The following NEB variants were observed in gnomAD, a reference collection of about 807,000 sequenced individuals.
NEB encodes the protein nebulin, also known as nemaline myopathy type 2.
Under a neutral mutation model 952.2 loss-of-function variants are expected in NEB, and 512 were observed. The ratio of observed to expected loss-of-function variants is 0.54; its 90% CI spans 0.50 to 0.58. The LOEUF is 0.58. Ranked by LOEUF, NEB falls within the 20% of genes least tolerant of loss-of-function variation. The probability of loss-of-function intolerance (pLI) is 0.00; values close to 1 mark genes in which losing one functional copy is unlikely to be tolerated. For synonymous variants in NEB, 2,900 were observed against 3,149.8 expected, an observed-to-expected ratio of 0.92 and a Z score of 2.66; for missense variants, 8,428 against 9,231.1, an observed-to-expected ratio of 0.91 and a Z score of 3.56.
At chr2:151,650,023 T>C (rs200731507) in intron 54 of NEB, among the ~76,000 whole-genome samples, 153 bp downstream of exon 54, 1 of 152,210 alleles carries the variant, frequency 6.6e-6, no homozygotes, top group African/African-American at 2.4e-5. Context: ...TGTAGGATAG[T>C]TGCTAATTCA....
intron 44 of NEB, among the ~76,000 whole-genome samples, 172 bp downstream of exon 44, chr2:151,664,329 G>T (rs147781115): frequency 1.3e-5 from 2 of 152,324 alleles, no homozygotes; most frequent in Admixed American, 6.5e-5. Context: ...ATTAAATAAT[G>T]AACAGATGAT....
At chr2:151,666,024 T>C in intron 41 of NEB, 66 bp downstream of exon 41, 1 of 1,476,320 alleles carries the variant, frequency 6.8e-7, no homozygotes, top group Non-Finnish European at 9.3e-7. Context: ...TGGGATGGAG[T>C]AAGTGGCTCC....
Position 151,717,490 on chromosome 2 carries a change from G to T in NEB, c.748C>A (p.Gln250Lys). ...VAYKKGLAEQ[Q>K]AQFTPLADPP... ...TCAGCCAGAGGCGTGAATTGAGCTT[G>T]CTGTTCAGCGAGACCTTTTTTGTAG... The change falls in exon 10 of 182, where the codon CAA becomes AAA. Residue 250 changes from glutamine to lysine, a missense_variant. Coordinates refer to ENST00000397345, the MANE Select transcript of NEB (RefSeq NM_001164508.2). The T allele has an allele frequency of 1.2e-6, 2 of 1,613,894 alleles. No homozygotes were observed. The highest frequency in any genetic ancestry group is 1.7e-6 in the Non-Finnish European group (2 of 1,179,800).
Position 151,671,097 on chromosome 2 carries a change from T to C in NEB, c.4432A>G (p.Thr1478Ala), listed in dbSNP as rs2099279650. ...TCAGGCACACTTGTGAACTTGACGG[T>C]ATCTGGGTGCTGTCGATACTTCCTC... is the stretch of plus-strand genomic sequence containing the variant. Reference protein sequence around the residue: ...NERKYRQHPDTVKFTSVPDSM... With the variant: ...NERKYRQHPDAVKFTSVPDSM... The change falls in exon 38 of 182, where the codon ACC becomes GCC. Residue 1478 changes from threonine (T) to alanine (A), a missense_variant. This residue lies in a region of NEB where 2,851 missense variants were observed against 2,791.5 expected (regional missense o/e 1.02). Transcript: ENST00000397345. The C allele has an allele frequency of 1.2e-6, 2 of 1,614,012 alleles. No individual in the cohort carries two copies. The highest frequency in any genetic ancestry group is 1.3e-5 in the African/African-American group (1 of 75,056).
chr2:151,678,770 C>CCTCT (rs2099392705), intron 32 of NEB, among the ~76,000 whole-genome samples: 1 of 151,784 alleles, frequency 6.6e-6, no homozygotes, highest in Non-Finnish European at 1.5e-5. Context: ...CACTGAGAAG[C>CCTCT]AGAGACATGA....
In NEB at chr2:151,610,064, G is replaced by C; in HGVS notation, c.12075C>G (p.Ser4025Arg). The C allele has an allele frequency of 6.2e-7, 1 of 1,613,744 alleles. No individual in the cohort carries two copies. Among genetic ancestry groups the C allele is most frequent in the East Asian group, 2.2e-5 (1 of 44,844 alleles). Reference protein sequence around the residue: ...KQKGHHIGAQSIEDDPKIMCA... With the variant: ...KQKGHHIGAQRIEDDPKIMCA... ...ACATAATCTTGGGATCATCTTCAATGCTCTGGGCTCCAATGTGGTGGCCTT... is the reference window on the plus strand; with the variant it reads ...ACATAATCTTGGGATCATCTTCAATCCTCTGGGCTCCAATGTGGTGGCCTT... The change falls in exon 81 of 182, where the codon AGC (serine) becomes AGG (arginine). Residue 4025 changes from serine (S) to arginine (R), a missense_variant. Ser to Arg is a moderately radical substitution (Grantham distance 110). Coordinates refer to ENST00000397345, the MANE Select transcript of NEB (RefSeq NM_001164508.2).
intron 109 of NEB, 74 bp from the exon 110 acceptor site, chr2:151,569,446 T>C (rs954376575): frequency 4.5e-6 from 5 of 1,107,708 alleles, no homozygotes; most frequent in Non-Finnish European, 2.8e-6. Context: ...ATTGGTCTCA[T>C]GAAGAAATAC....
intron 24 of NEB, chr2:151,690,087 C>T (rs1301071228): frequency 6.5e-6 from 1 of 153,392 alleles, no homozygotes; most frequent in African/African-American, 2.4e-5. Flanking sequence ...AATATGGAGT[C>T]CCCTAGATCT....
intron 128 of NEB, 126 bp downstream of exon 128, chr2:151,552,546 C>G: frequency 4.8e-6 from 3 of 629,700 alleles, no homozygotes; most frequent in Non-Finnish European, 8.4e-6. Context: ...TGCTTTCAAA[C>G]GCACCAACTC....
intron 12 of NEB, among the ~76,000 whole-genome samples, chr2:151,709,115 C>G (rs1028187316): frequency 5.3e-5 from 8 of 152,350 alleles, no homozygotes; most frequent in African/African-American, 1.7e-4. Flanking sequence ...GTCACTCAAT[C>G]AAACATATGG....
rs377174386 is a variant in NEB at position 151,655,781 on chromosome 2, C to T, written c.6702+36G>A. 599 of 1,600,140 alleles carry T rather than the reference C, an allele frequency of 3.7e-4. No homozygotes were observed. Among genetic ancestry groups the T allele is most frequent in the Admixed American group, 5.5e-4 (33 of 59,886 alleles). On this transcript the variant is annotated intron_variant, in intron 50 of 181. Transcript: ENST00000397345. ...ACCAGAGCCTGCTAGCCTTTCCTCA[C>T]GTGGGAGCTGTGTGGACGGCCACTG...
At chr2:151,512,709 T>C in intron 161 of NEB, 24 bp downstream of exon 161, 3 of 1,510,590 alleles carry the variant, frequency 2.0e-6, no homozygotes, top group Non-Finnish European at 2.8e-6. Flanking sequence ...GGTTTATGAG[T>C]GATGGCATGA....
chr2:151,653,867 G>A, intron 52 of NEB, 125 bp downstream of exon 52: 2 of 604,054 alleles, frequency 3.3e-6, no homozygotes, highest in East Asian at 2.9e-5. Context: ...AATGAAGAGG[G>A]TAGGAGAAAA....
At chr2:151,642,965 A>G in intron 58 of NEB, 96 bp from the exon 59 acceptor site, 1 of 1,221,484 alleles carries the variant, frequency 8.2e-7, no homozygotes, top group East Asian at 2.5e-5. Context: ...ATTTCAGCTC[A>G]GTGAATCGGT....
intron 57 of NEB, 113 bp downstream of exon 57, chr2:151,643,705 T>C: frequency 1.4e-6 from 2 of 1,481,292 alleles, no homozygotes. Context: ...CTAGATGCGC[T>C]TGGGCATTAG....
chr2:151,531,767 G>T (rs761305116), intron 144 of NEB, 25 bp downstream of exon 144: 17 of 1,539,850 alleles, frequency 1.1e-5, no homozygotes, highest in Non-Finnish European at 1.4e-5. Context: ...AGTTTGAGAA[G>T]GTATTCAGTG....
chr2:151,492,735 G>A (rs1427013103), intron 176 of NEB: 1 of 316,340 alleles, frequency 3.2e-6, no homozygotes, highest in Admixed American at 4.7e-5. Flanking sequence ...AAGGGGCACG[G>A]TATAATTTTG....
chr2:151,536,612 T>C (rs1477671930), intron 141 of NEB, among the ~76,000 whole-genome samples: 1 of 152,168 alleles, frequency 6.6e-6, no homozygotes, highest in Non-Finnish European at 1.5e-5. Flanking sequence ...AAGAAGAATA[T>C]GCCCTAGAAT....
At chr2:151,692,223 A>G in intron 21 of NEB, 38 bp downstream of exon 21, 1 of 1,604,018 alleles carries the variant, frequency 6.2e-7, no homozygotes, top group South Asian at 1.1e-5. Context: ...ACAGTAGGAA[A>G]GCCCTCCTAC....
Sources: gnomAD v4.1 joint callset for allele counts (sites outside exome capture counted in the v4.1 genomes callset) on GRCh38, gnomAD v4.1.1 for gene constraint, gnomAD v4.1.1 regional missense constraint, MANE v1.5 for transcripts, NCBI Gene and HGNC (gene_info 2026-07-23, HGNC 2026-07-21) for gene names.